Variants in MAP4K3 observed in about 807,000 individuals in gnomAD.
The protein encoded by MAP4K3 is mitogen-activated protein kinase kinase kinase kinase 3.
MAP4K3 carries 94 observed loss-of-function variants against 143.5 expected under a neutral mutation model. The observed-to-expected ratio is 0.65, with a 90% CI of 0.55 to 0.78. The LOEUF is 0.78. Ranked by LOEUF, MAP4K3 falls within the 30% of genes least tolerant of loss-of-function variation. The probability of loss-of-function intolerance (pLI) is 0.00; values close to 1 mark genes in which losing one functional copy is unlikely to be tolerated. For missense variants in MAP4K3, 1,077 were observed against 1,068.1 expected, an observed-to-expected ratio of 1.01 and a Z score of -0.12; for synonymous variants, 416 against 347.2, an observed-to-expected ratio of 1.20 and a Z score of -2.20.
At chr2:39,413,440 G>A (rs1667284437) in intron 1 of MAP4K3, among the ~76,000 whole-genome samples, 1 of 152,156 alleles carries the variant, frequency 6.6e-6, no homozygotes, top group Admixed American at 6.5e-5. Context: ...CCAGGGGACA[G>A]ACTGGGTACA....
chr2:39,349,917 G>A (rs1665404733), intron 3 of MAP4K3, among the ~76,000 whole-genome samples: 1 of 152,070 alleles, frequency 6.6e-6, no homozygotes, highest in Non-Finnish European at 1.5e-5. Context: ...TAGCAATACT[G>A]GTAAAGGAAC....
chr2:39,379,287 A>G (rs1666301233), intron 1 of MAP4K3, among the ~76,000 whole-genome samples: 1 of 152,132 alleles, frequency 6.6e-6, no homozygotes, highest in South Asian at 2.1e-4. Context: ...AACTCTAAGA[A>G]GAACAAAGAT....
intron 1 of MAP4K3, among the ~76,000 whole-genome samples, chr2:39,418,912 T>TA (rs1487226401): frequency 6.6e-6 from 1 of 152,112 alleles, no homozygotes; most frequent in Non-Finnish European, 1.5e-5. Context: ...AAAGAGGCAT[T>TA]AGAGAAAAAC....
At chr2:39,346,360 T>A (rs1573180437) in intron 3 of MAP4K3, among the ~76,000 whole-genome samples, 1 of 152,352 alleles carries the variant, frequency 6.6e-6, no homozygotes, top group East Asian at 1.9e-4. Flanking sequence ...AGCTTCATAT[T>A]TGTCTACCTG....
At chr2:39,346,223 T>G (rs1665288292) in intron 3 of MAP4K3, among the ~76,000 whole-genome samples, 1 of 152,152 alleles carries the variant, frequency 6.6e-6, no homozygotes, top group Non-Finnish European at 1.5e-5. Context: ...ATCACTGTAT[T>G]TCTATTAAGT....
chr2:39,346,424 A>T (rs1235757707), intron 3 of MAP4K3, among the ~76,000 whole-genome samples: 1 of 151,530 alleles, frequency 6.6e-6, no homozygotes, highest in Non-Finnish European at 1.5e-5. Flanking sequence ...TCTTATACTT[A>T]AAAAAAAATA....
Position 39,278,607 on chromosome 2 carries a change from T to C in MAP4K3, c.1715-121A>G, listed in dbSNP as rs1681377374. ...ATAAAACAAGAATTACTATGATTTATAAGCAGTGAATACAAAGAGGTTAGA... is the reference window on the plus strand; with the variant it reads ...ATAAAACAAGAATTACTATGATTTACAAGCAGTGAATACAAAGAGGTTAGA... On this transcript the variant is annotated intron_variant, in intron 23 of 33. Transcript: ENST00000263881. 12 of 585,812 alleles carry C rather than the reference T, an allele frequency of 2.0e-5. No homozygotes were observed. In the South Asian group the frequency reaches 3.2e-4, roughly 16 times the overall value. The allele number at this position is 585,812 out of a possible 1,614,324, so 36.3% of individuals were successfully genotyped here. A position where few individuals can be genotyped will look rare whatever the true frequency, so the allele number is the denominator to read the frequency against.
At chr2:39,369,913 T>G (rs1419242168) in intron 2 of MAP4K3, among the ~76,000 whole-genome samples, 1 of 152,220 alleles carries the variant, frequency 6.6e-6, no homozygotes, top group Non-Finnish European at 1.5e-5. Flanking sequence ...CACCACCACC[T>G]ACATATGCAC....
At chr2:39,280,159 C>T (rs551809619) in intron 23 of MAP4K3, 113 bp downstream of exon 23, 3 of 573,382 alleles carry the variant, frequency 5.2e-6, no homozygotes, top group African/African-American at 1.9e-5. Flanking sequence ...AAAATTATAA[C>T]AAAACTTTTT....
At chr2:39,300,223 T>C (rs1682454284) in intron 15 of MAP4K3, among the ~76,000 whole-genome samples, 1 of 152,202 alleles carries the variant, frequency 6.6e-6, no homozygotes, top group African/African-American at 2.4e-5. Context: ...CACTTTCACA[T>C]ATTTCTACTG....
intron 2 of MAP4K3, among the ~76,000 whole-genome samples, chr2:39,359,799 C>T (rs573095816): frequency 6.6e-6 from 1 of 152,238 alleles, no homozygotes; most frequent in South Asian, 2.1e-4. Flanking sequence ...TATACGTTGG[C>T]CCCTTTTAGC....
At chr2:39,378,329 T>C (rs562213378) in intron 1 of MAP4K3, among the ~76,000 whole-genome samples, 1 of 152,330 alleles carries the variant, frequency 6.6e-6, no homozygotes, top group East Asian at 1.9e-4. Flanking sequence ...AACTAATAGC[T>C]AATATACACT....
intron 1 of MAP4K3, among the ~76,000 whole-genome samples, chr2:39,391,764 C>T (rs548715442): frequency 8.0e-4 from 122 of 152,170 alleles, no homozygotes; most frequent in Non-Finnish European, 1.5e-3. Flanking sequence ...CTAACATTTT[C>T]GTGGTGTAAA....
At chr2:39,271,161 G>C (rs993490491) in intron 26 of MAP4K3, among the ~76,000 whole-genome samples, 3 of 151,782 alleles carry the variant, frequency 2.0e-5, no homozygotes, top group African/African-American at 7.3e-5. Context: ...ATTATAATAT[G>C]GTACAATAAG....
rs760873722 is a variant in MAP4K3 at position 39,436,880 on chromosome 2, C to T, written c.96+12G>A. ...TCCCACGGCCTCGGCGGCGCGCGGC[C>T]CCTGCCTTTACCTTGTAGACGTCGC... On this transcript the variant is annotated intron_variant, in intron 1 of 33. Transcript: ENST00000263881. The T allele has an allele frequency of 2.5e-6, 4 of 1,599,030 alleles. No individual in the cohort carries two copies. The highest frequency in any genetic ancestry group is 3.4e-5 in the Admixed American group (2 of 58,852).
chr2:39,394,296 A>G (rs929078593), intron 1 of MAP4K3, among the ~76,000 whole-genome samples: 1 of 152,204 alleles, frequency 6.6e-6, no homozygotes, highest in Admixed American at 6.5e-5. Flanking sequence ...ATAAAGGAGG[A>G]GCCAGGGAAA....
At chr2:39,313,454 CCTT>C (rs1553410623) in intron 13 of MAP4K3, among the ~76,000 whole-genome samples, 1 of 75,110 alleles carries the variant, frequency 1.3e-5, no homozygotes, top group African/African-American at 2.8e-5. Context: ...TTCTTTCTTT[CCTT>C]CTTTCTTTCC....
chr2:39,259,893 A>C (rs780718418), intron 29 of MAP4K3, among the ~76,000 whole-genome samples: 9 of 152,228 alleles, frequency 5.9e-5, no homozygotes, highest in Non-Finnish European at 1.3e-4. Context: ...TTCAAGAGAC[A>C]TTGTTATTTA....
In MAP4K3 at chr2:39,343,458, A is replaced by G; in HGVS notation, c.246-6T>C. 1 of 1,610,190 alleles carries G rather than the reference A, an allele frequency of 6.2e-7. No individual in the cohort carries two copies. Among genetic ancestry groups the G allele is most frequent in the Non-Finnish European group, 8.5e-7 (1 of 1,177,258 alleles). Reference sequence around the variant, plus strand: ...AAATCCAAAGCTTATCTCGCCTATAAAGAGAAAAGAAGCATGTATCATATT... The same window carrying G: ...AAATCCAAAGCTTATCTCGCCTATAGAGAGAAAAGAAGCATGTATCATATT... On this transcript the variant is annotated splice_region_variant and splice_polypyrimidine_tract_variant and intron_variant, in intron 3 of 33. Coordinates refer to ENST00000263881, the MANE Select transcript of MAP4K3 (RefSeq NM_003618.4).
Sources: gnomAD v4.1 joint callset for allele counts (sites outside exome capture counted in the v4.1 genomes callset) on GRCh38, gnomAD v4.1.1 for gene constraint, MANE v1.5 for transcripts, NCBI Gene and HGNC (gene_info 2026-07-23, HGNC 2026-07-21) for gene names.